The following SUCLA2 variants were observed in gnomAD, a reference collection of about 807,000 sequenced individuals.
SUCLA2 encodes the protein succinate--CoA ligase [ADP-forming] subunit beta, mitochondrial.
Under a neutral mutation model 54.8 loss-of-function variants are expected in SUCLA2, and 30 were observed. The observed-to-expected ratio is 0.55, with a 90% CI of 0.41 to 0.74. The LOEUF (loss-of-function observed/expected upper bound fraction) is 0.74, where lower values mean the gene tolerates loss of function less well. SUCLA2 is among the 30% of genes least tolerant of loss of function. SUCLA2 has a pLI of 0.00. For synonymous variants in SUCLA2, 172 were observed against 188.9 expected, an observed-to-expected ratio of 0.91 and a Z score of 0.74; for missense variants, 476 against 562.9, an observed-to-expected ratio of 0.85 and a Z score of 1.56.
intron 6 of SUCLA2, among the ~76,000 whole-genome samples, chr13:47,959,409 A>G (rs1351438030): frequency 2.8e-5 from 4 of 144,594 alleles, no homozygotes; most frequent in Non-Finnish European, 6.1e-5. Context: ...AGAAAGAAGA[A>G]GGGAGAGGGA....
In SUCLA2 at chr13:47,942,692, T is replaced by A. The variant is rs1370043063; in HGVS notation, c.*679A>T. 1.3e-5 allele frequency: 2 copies of A among 152,248 alleles called. No individual in the cohort carries two copies. The highest frequency in any genetic ancestry group is 2.9e-5 in the Non-Finnish European group (2 of 68,058). 9.4% of individuals were successfully genotyped at this position (152,248 alleles called of 1,614,324 possible). On this transcript the variant is annotated 3_prime_UTR_variant, in exon 11 of 11. Transcript: ENST00000646932. Reference sequence around the variant, plus strand: ...GATTTTTATTAACTTAAATTGACATTCTTAATTTTGTCTGTAAGTCCTTGG... The same window carrying A: ...GATTTTTATTAACTTAAATTGACATACTTAATTTTGTCTGTAAGTCCTTGG...
At chr13:47,974,574 A>G (rs1593492103) in intron 4 of SUCLA2, among the ~76,000 whole-genome samples, 1 of 152,180 alleles carries the variant, frequency 6.6e-6, no homozygotes, top group Admixed American at 6.6e-5. Flanking sequence ...GGACAGAGAA[A>G]GACCCTGTCT....
At chr13:47,974,088 T>TAA (rs34269144) in intron 4 of SUCLA2, among the ~76,000 whole-genome samples, 1 of 149,644 alleles carries the variant, frequency 6.7e-6, no homozygotes. Context: ...AAAGTATAAT[T>TAA]AAAAAAAAAA....
intron 8 of SUCLA2, 47 bp downstream of exon 8, chr13:47,954,093 T>C: frequency 7.2e-7 from 1 of 1,384,572 alleles, no homozygotes; most frequent in South Asian, 1.8e-5. Context: ...TAAGTATTTA[T>C]TTTATATATT....
intron 6 of SUCLA2, among the ~76,000 whole-genome samples, chr13:47,955,596 A>C (rs918540036): frequency 1.5e-4 from 23 of 151,998 alleles, no homozygotes; most frequent in South Asian, 2.1e-4. Flanking sequence ...GAAGAAGAAG[A>C]AGCAAAACAG....
chr13:47,966,213 C>T (rs1408518658), intron 6 of SUCLA2, among the ~76,000 whole-genome samples: 4 of 151,928 alleles, frequency 2.6e-5, no homozygotes, highest in East Asian at 1.9e-4. Flanking sequence ...TGTAAACAAC[C>T]GGCAATGTTG....
rs141441653 is a variant in SUCLA2, at chr13:47,986,853, T to C, written c.534+1688A>G. Among the ~76,000 whole-genome samples, 71 of 152,316 alleles carry C rather than the reference T, an allele frequency of 4.7e-4. 1 individual carries two copies. In the South Asian group the frequency reaches 9.5e-3, roughly 20 times the overall value. On this transcript the variant is annotated intron_variant, in intron 4 of 10. Coordinates refer to ENST00000646932, the MANE Select transcript of SUCLA2 (RefSeq NM_003850.3). ...ATTTCTAATGATTAGTTAATTCCCA[T>C]GCATGGGACATTAACTCAATCACAA...
chr13:47,966,095 C>G (rs928970196), intron 6 of SUCLA2, among the ~76,000 whole-genome samples: 11 of 152,122 alleles, frequency 7.2e-5, no homozygotes, highest in African/African-American at 2.7e-4. Flanking sequence ...AGAACAATGT[C>G]TCCAACTTAC....
intron 6 of SUCLA2, 138 bp from the exon 7 acceptor site, chr13:47,954,695 C>A (rs2137694886): frequency 2.0e-6 from 2 of 976,092 alleles, no homozygotes; most frequent in South Asian, 1.6e-5. Flanking sequence ...AATTTATGTT[C>A]ACTATGAATT....
chr13:47,969,806 A>G (rs1460338452), intron 5 of SUCLA2, among the ~76,000 whole-genome samples: 2 of 152,232 alleles, frequency 1.3e-5, no homozygotes, highest in African/African-American at 4.8e-5. Context: ...TGAATGATCA[A>G]GCTAAACAAT....
chr13:47,990,071 G>A (rs768013090), intron 2 of SUCLA2, among the ~76,000 whole-genome samples: 6 of 152,130 alleles, frequency 3.9e-5, no homozygotes, highest in Non-Finnish European at 7.4e-5. Context: ...AAATGGGCCC[G>A]GTGCGGTGGC....
intron 2 of SUCLA2, among the ~76,000 whole-genome samples, chr13:47,995,059 A>G (rs1024180932): frequency 6.6e-6 from 1 of 152,222 alleles, no homozygotes; most frequent in South Asian, 2.1e-4. Context: ...AAAGAAACCA[A>G]TTATAATACT....
intron 2 of SUCLA2, among the ~76,000 whole-genome samples, chr13:47,990,337 G>C (rs1389763315): frequency 6.6e-6 from 1 of 152,140 alleles, no homozygotes; most frequent in Non-Finnish European, 1.5e-5. Context: ...GACAGAGCAA[G>C]GCTGTCTCAA....
chr13:47,974,100 G>GA (rs879754606), intron 4 of SUCLA2, among the ~76,000 whole-genome samples: 13 of 144,258 alleles, frequency 9.0e-5, no homozygotes, highest in African/African-American at 3.3e-4. Context: ...AAAAAAAAAA[G>GA]AAAAAAAACT....
intron 5 of SUCLA2, chr13:47,972,096 A>T (rs1439140590): frequency 2.7e-6 from 1 of 364,906 alleles, no homozygotes; most frequent in African/African-American, 2.1e-5. Context: ...ACTAAAACAA[A>T]ATACAAAAAT....
intron 2 of SUCLA2, 58 bp downstream of exon 2, chr13:47,996,785 T>C: frequency 1.9e-6 from 3 of 1,571,496 alleles, no homozygotes; most frequent in Non-Finnish European, 2.6e-6. Context: ...AAAAACAAAC[T>C]TCAAATCTTC....
At chr13:47,981,961 G>A (rs992098618) in intron 4 of SUCLA2, among the ~76,000 whole-genome samples, 6 of 152,114 alleles carry the variant, frequency 3.9e-5, no homozygotes, top group African/African-American at 1.2e-4. Flanking sequence ...CTCCAGCCTG[G>A]GAGACATAGC....
chr13:47,981,288 T>G (rs1212452266), intron 4 of SUCLA2, among the ~76,000 whole-genome samples: 1 of 152,034 alleles, frequency 6.6e-6, no homozygotes, highest in Non-Finnish European at 1.5e-5. Context: ...CAAAAAAATT[T>G]AAAGATGGGC....
At chr13:47,954,691 T>TA in intron 6 of SUCLA2, 134 bp from the exon 7 acceptor site, 1 of 995,422 alleles carries the variant, frequency 1.0e-6, no homozygotes, top group Non-Finnish European at 1.5e-6. Flanking sequence ...TTTCAATTTA[T>TA]GTTCACTATG....
Sources: gnomAD v4.1 joint callset for allele counts (sites outside exome capture counted in the v4.1 genomes callset) on GRCh38, gnomAD v4.1.1 for gene constraint, MANE v1.5 for transcripts, NCBI Gene and HGNC (gene_info 2026-07-23, HGNC 2026-07-21) for gene names.